Variants in PTPN2 observed in about 807,000 individuals in gnomAD.
PTPN2 encodes the protein protein tyrosine phosphatase non-receptor type 2.
PTPN2 carries 19 observed loss-of-function variants against 57.3 expected under a neutral mutation model. That is an observed-to-expected ratio of 0.33 (90% confidence interval 0.23 to 0.49). PTPN2 has a LOEUF of 0.49. Ranked by LOEUF, PTPN2 falls within the 20% of genes least tolerant of loss-of-function variation. PTPN2 has a pLI of 0.99. For synonymous variants in PTPN2, 153 were observed against 164.9 expected (o/e 0.93, Z 0.55); for missense variants, 358 against 501.1 (o/e 0.71, Z 2.73).
chr18:12,828,859 GTTTGAGATGAGCCTGAGATGCAGTCAT>G (rs2042567408), intron 4 of PTPN2, among the ~76,000 whole-genome samples: 1 of 152,124 alleles, frequency 6.6e-6, no homozygotes, highest in Non-Finnish European at 1.5e-5. Flanking sequence ...GGCAGCAAGA[GTTTGAGATGAGCCTGAGATGCAGTCAT>G]TACAGACAGC....
At chr18:12,882,934 TACG>T (rs575928349) in intron 1 of PTPN2, among the ~76,000 whole-genome samples, 19 of 152,316 alleles carry the variant, frequency 1.2e-4, no homozygotes, top group Non-Finnish European at 1.8e-4. Flanking sequence ...TTGGGAATAA[TACG>T]ACAAGGATTA....
intron 1 of PTPN2, among the ~76,000 whole-genome samples, chr18:12,865,655 A>G (rs1175833816): frequency 1.3e-5 from 2 of 151,830 alleles, no homozygotes; most frequent in Non-Finnish European, 2.9e-5. Context: ...CTAAAATAAA[A>G]AGAGTGAGCT....
intron 8 of PTPN2, among the ~76,000 whole-genome samples, chr18:12,797,425 T>A (rs1039426692): frequency 6.6e-6 from 1 of 152,054 alleles, no homozygotes; most frequent in African/African-American, 2.4e-5. Context: ...TTTAAAAGGT[T>A]TTGTACTATA....
chr18:12,829,498 T>C lies in PTPN2; in HGVS notation c.360+1445A>G, dbSNP rs570062059. On this transcript the variant is annotated intron_variant, in intron 4 of 8. Transcript: ENST00000309660. The stretch of plus-strand genomic sequence containing the variant: ...CCAGCCTGGGCAACAGGCGAGACTC[T>C]GTCTCCAAAAAAAAAAAAAAAAAAA... 1.7e-4 allele frequency among the ~76,000 whole-genome samples: 12 copies of C among 70,540 alleles called. No homozygotes were observed. The South Asian group carries it at 7.4e-3, about 43-fold the overall frequency. 46.3% of individuals were successfully genotyped at this position (70,540 alleles called of 152,430 possible).
At chr18:12,797,865 T>C (rs2041251027) in intron 8 of PTPN2, among the ~76,000 whole-genome samples, 1 of 152,128 alleles carries the variant, frequency 6.6e-6, no homozygotes, top group South Asian at 2.1e-4. Context: ...CCCTTAAGAC[T>C]ACAGGCAGGT....
rs560915854 is a variant in PTPN2, at chr18:12,805,686, T to G, written c.859-3535A>C. ...ATGGAGTCTTGCTCTGTCACCAGGCTGGAGTGCAGTGGCATGATCTGCAAC... is the reference window on the plus strand; with the variant it reads ...ATGGAGTCTTGCTCTGTCACCAGGCGGGAGTGCAGTGGCATGATCTGCAAC... On this transcript the variant is annotated intron_variant, in intron 7 of 8. Transcript: ENST00000309660. Among the ~76,000 whole-genome samples, 18 of 149,312 alleles carry G rather than the reference T, an allele frequency of 1.2e-4. No individual in the cohort carries two copies. In the East Asian group the frequency reaches 3.2e-3, roughly 27 times the overall value.
At chr18:12,848,706 A>G (rs187204385) in intron 2 of PTPN2, among the ~76,000 whole-genome samples, 222 of 152,382 alleles carry the variant, frequency 1.5e-3, no homozygotes, top group South Asian at 2.5e-3. Flanking sequence ...GCAATTACAC[A>G]AAAGACCTTG....
At chr18:12,863,793 C>A (rs925560680) in intron 1 of PTPN2, 1 of 152,160 alleles carries the variant, frequency 6.6e-6, no homozygotes, top group Non-Finnish European at 1.5e-5. Flanking sequence ...TGGCAAGGAT[C>A]TTTGCTTTAA....
At chr18:12,811,082 G>C (rs2041874084) in intron 7 of PTPN2, among the ~76,000 whole-genome samples, 1 of 152,132 alleles carries the variant, frequency 6.6e-6, no homozygotes, top group Admixed American at 6.6e-5. Flanking sequence ...ATAACCTTAG[G>C]AGATAAGCAC....
At chr18:12,865,852 T>A (rs1459803530) in intron 1 of PTPN2, among the ~76,000 whole-genome samples, 2 of 150,772 alleles carry the variant, frequency 1.3e-5, no homozygotes, top group African/African-American at 2.4e-5. Context: ...AAGGTTAAAA[T>A]GATGTAGCCA....
intron 5 of PTPN2, among the ~76,000 whole-genome samples, chr18:12,823,188 T>G (rs919905574): frequency 6.6e-6 from 1 of 152,214 alleles, no homozygotes; most frequent in African/African-American, 2.4e-5. Flanking sequence ...GCTATTATAT[T>G]GTGGTATGTT....
intron 1 of PTPN2, among the ~76,000 whole-genome samples, chr18:12,865,942 G>A (rs975096586): frequency 2.6e-5 from 4 of 152,096 alleles, no homozygotes; most frequent in Non-Finnish European, 5.9e-5. Flanking sequence ...CAAGAGAAAC[G>A]AATACATACA....
chr18:12,828,602 T>C (rs2042558684), intron 4 of PTPN2, among the ~76,000 whole-genome samples: 1 of 152,146 alleles, frequency 6.6e-6, no homozygotes, highest in African/African-American at 2.4e-5. Flanking sequence ...AAATAGCAGA[T>C]GTAAGATGGA....
chr18:12,847,661 T>G (rs545312062), intron 2 of PTPN2, among the ~76,000 whole-genome samples: 1 of 151,680 alleles, frequency 6.6e-6, no homozygotes, highest in Admixed American at 6.6e-5. Context: ...TCGCTCTTGT[T>G]GCCCAGGCTG....
chr18:12,828,105 G>C (rs1280511275), intron 4 of PTPN2, among the ~76,000 whole-genome samples: 1 of 152,104 alleles, frequency 6.6e-6, no homozygotes, highest in Non-Finnish European at 1.5e-5. Context: ...TGGAATACCA[G>C]AAGGAAATGG....
chr18:12,840,662 A>G (rs908589050), intron 2 of PTPN2: 2 of 1,577,962 alleles, frequency 1.3e-6, no homozygotes, highest in Admixed American at 1.8e-5. Flanking sequence ...CACAAGTGTA[A>G]CACACTAGAG....
chr18:12,789,533 T>C (rs757575633), downstream of PTPN2, among the ~76,000 whole-genome samples: 10 of 152,232 alleles, frequency 6.6e-5, no homozygotes, highest in Non-Finnish European at 1.2e-4. Flanking sequence ...GAACAGGCAT[T>C]TCTGCTGTGC....
intron 4 of PTPN2, among the ~76,000 whole-genome samples, chr18:12,827,700 T>C (rs998109188): frequency 6.6e-6 from 1 of 151,446 alleles, no homozygotes; most frequent in Non-Finnish European, 1.5e-5. Flanking sequence ...AAAAAAAATT[T>C]TTTTTAAGTA....
chr18:12,881,576 G>A (rs1406319662), intron 1 of PTPN2, among the ~76,000 whole-genome samples: 2 of 152,110 alleles, frequency 1.3e-5, no homozygotes, highest in Admixed American at 6.5e-5. Flanking sequence ...CAGTCTCCAG[G>A]CTAAACTGTG....
Sources: allele counts gnomAD v4.1 joint callset (sites outside exome capture counted in the v4.1 genomes callset), GRCh38; gene constraint gnomAD v4.1.1; transcripts MANE v1.5; gene names NCBI Gene and HGNC (gene_info 2026-07-23, HGNC 2026-07-21).